The following EDA variants were observed in gnomAD, a reference collection of about 807,000 sequenced individuals.
EDA encodes the protein ectodysplasin-A.
Under a neutral mutation model 23.6 loss-of-function variants are expected in EDA, and 2 were observed. The observed-to-expected ratio is 0.08, with a 90% confidence interval of 0.03 to 0.27. The LOEUF is 0.27. Among genes scored for constraint, EDA ranks in the 10% least tolerant of loss-of-function variants. The pLI is 1.00. For missense variants in EDA, 229 were observed against 324.2 expected, an observed-to-expected ratio of 0.71 and a Z score of 2.26; for synonymous variants, 131 against 132.0, an observed-to-expected ratio of 0.99 and a Z score of 0.05.
At chrX:69,736,834 C>T (rs367618342) in intron 1 of EDA, among the ~76,000 whole-genome samples, 2 of 103,970 alleles carry the variant, frequency 1.9e-5, no homozygotes, top group Non-Finnish European at 3.9e-5. Context: ...TACAGTGGCG[C>T]GATCTTGGCT....
intron 1 of EDA, among the ~76,000 whole-genome samples, chrX:69,950,732 A>G (rs1371358353): frequency 1.1e-5 from 1 of 86,996 alleles, no homozygotes; most frequent in Non-Finnish European, 2.2e-5. Flanking sequence ...AAAATGTGGC[A>G]CATATACACC....
chrX:69,969,484 A>G (rs981056727), intron 2 of EDA, among the ~76,000 whole-genome samples: 9 of 112,046 alleles, frequency 8.0e-5, no homozygotes, highest in African/African-American at 2.6e-4. Context: ...TATGAATTGT[A>G]TACTTCCAAA....
At chrX:69,786,376 T>A (rs1244546998) in intron 1 of EDA, among the ~76,000 whole-genome samples, 7 of 105,999 alleles carry the variant, frequency 6.6e-5, no homozygotes, top group Admixed American at 4.1e-4. Flanking sequence ...CTTTTAATTG[T>A]GATGTTAGGG....
intron 1 of EDA, among the ~76,000 whole-genome samples, chrX:69,859,584 A>G (rs2017334640): frequency 1.9e-5 from 2 of 107,725 alleles, no homozygotes; most frequent in African/African-American, 6.7e-5. Context: ...GTGGTCCAGG[A>G]TATTCTTTTG....
At chrX:69,694,658 C>A (rs956625961) in intron 1 of EDA, among the ~76,000 whole-genome samples, 1 of 111,847 alleles carries the variant, frequency 8.9e-6, no homozygotes, top group Non-Finnish European at 1.9e-5. Context: ...TTCACTACAA[C>A]GTTGATGCAA....
intron 2 of EDA, among the ~76,000 whole-genome samples, chrX:70,015,174 G>A (rs908419228): frequency 8.9e-6 from 1 of 111,776 alleles, no homozygotes; most frequent in African/African-American, 3.3e-5. Context: ...AGAGAGAAGG[G>A]GCAGGCTACC....
chrX:69,908,637 C>T (rs909279115), intron 1 of EDA, among the ~76,000 whole-genome samples: 1 of 109,338 alleles, frequency 9.1e-6, no homozygotes, highest in Admixed American at 9.9e-5. Context: ...GGCTGAAAAC[C>T]ATATCTGATG....
chrX:70,011,014 G>C (rs943755765), intron 2 of EDA, among the ~76,000 whole-genome samples: 1 of 111,389 alleles, frequency 9.0e-6, no homozygotes, highest in Non-Finnish European at 1.9e-5. Context: ...AACCATATTT[G>C]TAATTATTTT....
chrX:69,650,780 G>A (rs774847745), intron 1 of EDA, among the ~76,000 whole-genome samples: 7 of 111,373 alleles, frequency 6.3e-5, no homozygotes, highest in Non-Finnish European at 1.3e-4. Context: ...TAATAGGGGA[G>A]GGTCTGCTTT....
chrX:69,832,577 A>C (rs142658663), intron 1 of EDA, among the ~76,000 whole-genome samples: 7,104 of 111,701 alleles, frequency 0.064, 240 homozygotes, highest in East Asian at 0.22. Flanking sequence ...TCTGTGAAGA[A>C]AGTCATTGGT....
At chrX:69,766,690 C>A (rs2014480907) in intron 1 of EDA, among the ~76,000 whole-genome samples, 1 of 112,119 alleles carries the variant, frequency 8.9e-6, no homozygotes, top group Non-Finnish European at 1.9e-5. Context: ...TCCAGTCTGT[C>A]ATTGGTGGGC....
chrX:69,658,212 T>TTTTGTG (rs796336405), intron 1 of EDA, among the ~76,000 whole-genome samples: 3 of 90,894 alleles, frequency 3.3e-5, no homozygotes, highest in African/African-American at 1.3e-4. Flanking sequence ...TCCTAGGTAT[T>TTTTGTG]TGTGTGTGTG....
chrX:69,918,964 T>G (rs1376384561), intron 1 of EDA, among the ~76,000 whole-genome samples: 1 of 108,831 alleles, frequency 9.2e-6, no homozygotes, highest in African/African-American at 3.4e-5. Flanking sequence ...CCACTGATAA[T>G]TTATTGTATT....
rs766453669 is a variant in EDA, at chrX:69,717,030, C to T, written c.396+100326C>T. On this transcript the variant is annotated intron_variant, in intron 1 of 7. Coordinates refer to ENST00000374552, the MANE Select transcript of EDA (RefSeq NM_001399.5). ...TCAGCAAACAGGGATAGTTTGACTT[C>T]CTCTCTTACTATTTGGATGCCCTTT... Among the ~76,000 whole-genome samples, 9 of 111,091 alleles carry T rather than the reference C, an allele frequency of 8.1e-5. No individual in the cohort carries two copies. The South Asian group carries it at 3.4e-3, about 42-fold the overall frequency.
At chrX:69,937,350 G>C in intron 1 of EDA, 1 of 622,958 alleles carries the variant, frequency 1.6e-6, no homozygotes, top group Non-Finnish European at 2.8e-6. Context: ...CTGATGTGGT[G>C]GTCCTATCTA....
intron 1 of EDA, chrX:69,687,679 A>T (rs1239968544): frequency 2.5e-5 from 2 of 79,669 alleles, no homozygotes; most frequent in African/African-American, 7.7e-5. Context: ...TTTTCTTCTA[A>T]GAGTTTTATA....
At chrX:69,880,279 G>A (rs187018533) in intron 1 of EDA, among the ~76,000 whole-genome samples, 7 of 111,891 alleles carry the variant, frequency 6.3e-5, no homozygotes, top group African/African-American at 1.3e-4. Context: ...GTTTCTACCC[G>A]TCTCTTGACC....
At chrX:69,816,878 C>T (rs1415449425) in intron 1 of EDA, among the ~76,000 whole-genome samples, 2 of 110,679 alleles carry the variant, frequency 1.8e-5, no homozygotes, top group African/African-American at 6.6e-5. Flanking sequence ...AAATACCCCA[C>T]GAGAAGATTG....
chrX:70,032,104 C>CA (rs1401530170), intron 6 of EDA, among the ~76,000 whole-genome samples: 1 of 110,735 alleles, frequency 9.0e-6, no homozygotes, highest in Admixed American at 9.6e-5. Context: ...ACAAAAAATA[C>CA]AAAAATTAGC....
Sources: allele counts gnomAD v4.1 joint callset (sites outside exome capture counted in the v4.1 genomes callset), GRCh38; gene constraint gnomAD v4.1.1; transcripts MANE v1.5; gene names NCBI Gene and HGNC (gene_info 2026-07-23, HGNC 2026-07-21).